The following TMEM38B variants were observed in gnomAD, a reference collection of about 807,000 sequenced individuals.
TMEM38B encodes trimeric intracellular cation channel type B.
TMEM38B carries 24 observed loss-of-function variants against 28.7 expected under a neutral mutation model. That is an observed-to-expected ratio of 0.84 (90% CI 0.61 to 1.18). The LOEUF is 1.18. Ranked by LOEUF, TMEM38B falls within the 50% of genes most tolerant of loss-of-function variation. TMEM38B has a pLI of 0.00. For synonymous variants in TMEM38B, 131 were observed against 127.7 expected (o/e 1.03, Z -0.17); for missense variants, 380 against 350.9 (o/e 1.08, Z -0.66).
chr9:105,736,693 C>T (rs779860134), intron 4 of TMEM38B, among the ~76,000 whole-genome samples: 3 of 152,146 alleles, frequency 2.0e-5, no homozygotes, highest in Non-Finnish European at 4.4e-5. Flanking sequence ...TGTGTCCTGT[C>T]CAGCATTTAT....
chr9:105,732,644 C>T (rs1836798018), intron 4 of TMEM38B, among the ~76,000 whole-genome samples: 1 of 138,880 alleles, frequency 7.2e-6, no homozygotes, highest in South Asian at 2.1e-4. Context: ...TTTCTGAGGC[C>T]TCTGTTCTGT....
At chr9:105,748,003 G>A (rs1837490837) in intron 4 of TMEM38B, 70 bp from the exon 5 acceptor site, 1 of 1,019,312 alleles carries the variant, frequency 9.8e-7, no homozygotes, top group Non-Finnish European at 1.5e-6. Flanking sequence ...GTTTTGCAGT[G>A]CACTCTTTGA....
intron 4 of TMEM38B, among the ~76,000 whole-genome samples, chr9:105,734,018 C>T (rs1659542129): frequency 2.7e-5 from 4 of 150,608 alleles, no homozygotes; most frequent in Admixed American, 2.0e-4. Context: ...TTTTTATTTC[C>T]TTGATGCATA....
chr9:105,713,328 T>C (rs1179688782), intron 2 of TMEM38B, among the ~76,000 whole-genome samples: 2 of 152,206 alleles, frequency 1.3e-5, no homozygotes, highest in Non-Finnish European at 2.9e-5. Context: ...TGCACTCTTG[T>C]GGGGTCTGGG....
At chr9:105,737,184 G>T (rs1352787360) in intron 4 of TMEM38B, among the ~76,000 whole-genome samples, 3 of 152,190 alleles carry the variant, frequency 2.0e-5, no homozygotes, top group African/African-American at 7.2e-5. Context: ...AGTAGATGCA[G>T]ATCGGCCACA....
At chr9:105,701,525 T>A (rs553389157) in intron 1 of TMEM38B, 1 of 152,364 alleles carries the variant, frequency 6.6e-6, no homozygotes, top group South Asian at 2.1e-4. Context: ...TTGTGTTGAT[T>A]TGACCCCGTA....
chr9:105,715,124 A>G (rs1300506181), intron 2 of TMEM38B, among the ~76,000 whole-genome samples: 2 of 152,312 alleles, frequency 1.3e-5, no homozygotes, highest in East Asian at 1.9e-4. Context: ...TGCACACAGT[A>G]GTCTTAGAGT....
At chr9:105,736,266 A>G (rs560632610) in intron 4 of TMEM38B, among the ~76,000 whole-genome samples, 5 of 152,100 alleles carry the variant, frequency 3.3e-5, no homozygotes, top group Non-Finnish European at 7.4e-5. Context: ...ATAGTGTCCT[A>G]TAAGTCCCAT....
chr9:105,760,052 C>G, intron 5 of TMEM38B: 4 of 1,213,182 alleles, frequency 3.3e-6, no homozygotes, highest in East Asian at 2.3e-5. Flanking sequence ...TTACTTCCAG[C>G]TTCTTCTGTG....
intron 4 of TMEM38B, among the ~76,000 whole-genome samples, chr9:105,730,247 G>A (rs901617532): frequency 4.6e-5 from 7 of 152,114 alleles, no homozygotes; most frequent in Non-Finnish European, 7.4e-5. Context: ...TTTGAGATAC[G>A]TTTCAGCAAT....
rs115967581 is a variant in TMEM38B at position 105,713,082 on chromosome 9, A to G, written c.269+7329A>G. 1.2e-3 allele frequency among the ~76,000 whole-genome samples: 185 copies of G among 152,304 alleles called. 1 individual carries two copies. Among genetic ancestry groups the G allele is most frequent in the African/African-American group, 4.2e-3 (175 of 41,580 alleles). ...ACATGCGGGAGCCCTGCCCCTTCCAAGTTGGTGGGGCTGGAGCTCCCCAGG... is the reference window on the plus strand; with the variant it reads ...ACATGCGGGAGCCCTGCCCCTTCCAGGTTGGTGGGGCTGGAGCTCCCCAGG... On this transcript the variant is annotated intron_variant, in intron 2 of 5. Coordinates refer to ENST00000374692, the MANE Select transcript of TMEM38B (RefSeq NM_018112.3).
chr9:105,748,496 T>C (rs1727686527), intron 5 of TMEM38B, among the ~76,000 whole-genome samples: 1 of 152,208 alleles, frequency 6.6e-6, no homozygotes, highest in Non-Finnish European at 1.5e-5. Context: ...ACTGTCTCAT[T>C]TGTAAAATGA....
intron 5 of TMEM38B, among the ~76,000 whole-genome samples, chr9:105,757,149 A>G (rs1202446671): frequency 1.3e-5 from 2 of 152,116 alleles, no homozygotes; most frequent in Non-Finnish European, 1.5e-5. Flanking sequence ...TAGAGAACAT[A>G]TGATATTTGG....
intron 5 of TMEM38B, among the ~76,000 whole-genome samples, chr9:105,749,719 A>G (rs1462488435): frequency 6.6e-6 from 1 of 152,186 alleles, no homozygotes; most frequent in East Asian, 1.9e-4. Flanking sequence ...GTCATTTCAC[A>G]TTTTCCCCAA....
In TMEM38B at chr9:105,752,898, AAT is replaced by A. The variant is rs144926123; in HGVS notation, c.660+4709_660+4710del. Among the ~76,000 whole-genome samples the A allele has an allele frequency of 3.3e-3, 501 of 152,332 alleles. 2 individuals are homozygous for A. Among genetic ancestry groups the A allele is most frequent in the African/African-American group, 0.012 (480 of 41,576 alleles). ...GAGCTAAAGGGGCATGTTCTAACCCAATGGAAAGAAGCTAAGAATCATGATAA... is the reference window on the plus strand; with the variant it reads ...GAGCTAAAGGGGCATGTTCTAACCCAGGAAAGAAGCTAAGAATCATGATAA... On this transcript the variant is annotated intron_variant, in intron 5 of 5. Transcript: ENST00000374692.
intron 4 of TMEM38B, among the ~76,000 whole-genome samples, chr9:105,735,513 AG>A: frequency 6.6e-6 from 1 of 152,292 alleles, no homozygotes. Context: ...TTATCTGGGA[AG>A]GTCTTTATGT....
intron 5 of TMEM38B, chr9:105,760,380 T>C (rs561220572): frequency 2.6e-6 from 2 of 758,166 alleles, no homozygotes; most frequent in Non-Finnish European, 4.9e-6. Flanking sequence ...TACCAACTTA[T>C]TTACAGACTG....
At chr9:105,772,733 GT>G (rs1454888407) in intron 5 of TMEM38B, among the ~76,000 whole-genome samples, 2 of 151,960 alleles carry the variant, frequency 1.3e-5, no homozygotes, top group African/African-American at 4.8e-5. Context: ...TTTCAGTGAC[GT>G]TTAGTACTCT....
intron 5 of TMEM38B, chr9:105,759,287 C>A: frequency 1.3e-6 from 1 of 769,076 alleles, no homozygotes. Context: ...TACATAGAAT[C>A]CAAGATGATC....
Sources: allele counts gnomAD v4.1 joint callset (sites outside exome capture counted in the v4.1 genomes callset), GRCh38; gene constraint gnomAD v4.1.1; transcripts MANE v1.5; gene names NCBI Gene and HGNC (gene_info 2026-07-23, HGNC 2026-07-21).